Variants in DOCK3 observed in about 807,000 individuals in gnomAD.
DOCK3 encodes dedicator of cytokinesis protein 3.
DOCK3 carries 60 observed loss-of-function variants against 265.6 expected under a neutral mutation model. That is an observed-to-expected ratio of 0.23 (90% confidence interval 0.18 to 0.28). The LOEUF (loss-of-function observed/expected upper bound fraction) is 0.28. Among genes scored for constraint, DOCK3 ranks in the 10% least tolerant of loss-of-function variants. The probability of loss-of-function intolerance (pLI) is 1.00; values close to 1 mark genes in which losing one functional copy is unlikely to be tolerated. For missense variants in DOCK3, 1,981 were observed against 2,594.3 expected, an observed-to-expected ratio of 0.76 and a Z score of 5.14; for synonymous variants, 881 against 938.0, an observed-to-expected ratio of 0.94 and a Z score of 1.11.
chr3:50,983,415 C>G (rs1337216450), intron 5 of DOCK3, among the ~76,000 whole-genome samples: 2 of 152,132 alleles, frequency 1.3e-5, no homozygotes, highest in African/African-American at 4.8e-5. Flanking sequence ...CGCCTCTGGA[C>G]CAGTCATACA....
intron 9 of DOCK3, among the ~76,000 whole-genome samples, chr3:51,121,410 AGCT>A (rs2084012951): frequency 6.6e-6 from 1 of 152,146 alleles, no homozygotes; most frequent in South Asian, 2.1e-4. Flanking sequence ...TCTTGCTGAG[AGCT>A]GCAGACTGGA....
intron 2 of DOCK3, among the ~76,000 whole-genome samples, chr3:50,826,197 T>C (rs1262679865): frequency 6.6e-6 from 1 of 152,168 alleles, no homozygotes. Flanking sequence ...CCTTGTTTAC[T>C]TTTCCCTCAG....
intron 38 of DOCK3, among the ~76,000 whole-genome samples, chr3:51,345,510 T>G (rs1355331645): frequency 5.3e-5 from 8 of 152,150 alleles, no homozygotes. Context: ...TAGTCCTAGC[T>G]ACTCGGGAGG....
chr3:50,925,722 G>C (rs577367013), intron 4 of DOCK3, among the ~76,000 whole-genome samples: 1 of 152,082 alleles, frequency 6.6e-6, no homozygotes, highest in South Asian at 2.1e-4. Context: ...TGAAGTTTTT[G>C]GGAGCTGGCA....
chr3:50,875,665 T>C (rs1024043715), intron 3 of DOCK3, among the ~76,000 whole-genome samples: 7 of 152,204 alleles, frequency 4.6e-5, no homozygotes, highest in Admixed American at 1.3e-4. Flanking sequence ...TTGATCACGA[T>C]GAATGATGTT....
At chr3:50,919,427 C>T (rs1431039516) in intron 4 of DOCK3, among the ~76,000 whole-genome samples, 4 of 152,236 alleles carry the variant, frequency 2.6e-5, no homozygotes, top group East Asian at 1.9e-4. Flanking sequence ...TCTTTTATTT[C>T]GTTGAGCAGT....
intron 23 of DOCK3, among the ~76,000 whole-genome samples, chr3:51,267,377 T>C (rs1560317198): frequency 1.3e-5 from 2 of 150,570 alleles, no homozygotes; most frequent in South Asian, 2.1e-4. Flanking sequence ...CGTATGGTTT[T>C]TTTCTTTCTT....
chr3:51,195,708 G>A (rs1411687316), intron 12 of DOCK3, among the ~76,000 whole-genome samples: 2 of 152,056 alleles, frequency 1.3e-5, no homozygotes, highest in Non-Finnish European at 2.9e-5. Flanking sequence ...CTGAGCCACT[G>A]CGCCTGGCCA....
chr3:50,992,485 CAGGGTTT>C (rs2078142612), intron 5 of DOCK3, among the ~76,000 whole-genome samples: 41 of 152,114 alleles, frequency 2.7e-4, no homozygotes, highest in Admixed American at 2.7e-3. Context: ...GTAGTAGAGA[CAGGGTTT>C]CACCATGTTG....
At chr3:51,355,947 A>C in intron 41 of DOCK3, 142 bp from the exon 42 acceptor site, 62 of 963,692 alleles carry the variant, frequency 6.4e-5, no homozygotes, top group Non-Finnish European at 9.3e-5. Context: ...ATCTGCCCCT[A>C]GAGATGCCAC....
chr3:51,205,772 T>C (rs2089169433), intron 12 of DOCK3, among the ~76,000 whole-genome samples: 1 of 152,168 alleles, frequency 6.6e-6, no homozygotes, highest in Non-Finnish European at 1.5e-5. Context: ...GCAAGTGCTG[T>C]ATTAAGAGAA....
At chr3:51,191,699 T>G (rs939809462) in intron 12 of DOCK3, among the ~76,000 whole-genome samples, 2 of 152,146 alleles carry the variant, frequency 1.3e-5, no homozygotes, top group East Asian at 2.0e-4. Context: ...TGTTGCTTCT[T>G]GAAAAAAAGT....
chr3:50,846,845 G>T (rs1168558982), intron 3 of DOCK3, among the ~76,000 whole-genome samples: 3 of 152,106 alleles, frequency 2.0e-5, no homozygotes, highest in Non-Finnish European at 4.4e-5. Context: ...TCGTATTTGT[G>T]TGGGATTGGC....
At chr3:51,289,372 G>A (rs933581384) in intron 27 of DOCK3, among the ~76,000 whole-genome samples, 2 of 152,138 alleles carry the variant, frequency 1.3e-5, no homozygotes, top group Non-Finnish European at 2.9e-5. Flanking sequence ...AGTATAAGAT[G>A]TTTTATGTAA....
intron 1 of DOCK3, among the ~76,000 whole-genome samples, chr3:50,695,942 A>G (rs2035590722): frequency 6.6e-6 from 1 of 152,208 alleles, no homozygotes; most frequent in Non-Finnish European, 1.5e-5. Flanking sequence ...TGGACAGAAA[A>G]AGGAAAGTGA....
At chr3:51,139,768 C>A (rs1470060254) in intron 9 of DOCK3, among the ~76,000 whole-genome samples, 1 of 152,234 alleles carries the variant, frequency 6.6e-6, no homozygotes, top group Non-Finnish European at 1.5e-5. Flanking sequence ...AAGTTGGCTT[C>A]TCTAGGAAAC....
chr3:51,152,188 T>G (rs1186552614), intron 10 of DOCK3, among the ~76,000 whole-genome samples: 1 of 152,200 alleles, frequency 6.6e-6, no homozygotes, highest in Non-Finnish European at 1.5e-5. Flanking sequence ...GAGGCTTTGT[T>G]TATTTTTACT....
At chr3:50,848,314 G>C (rs1191986567) in intron 3 of DOCK3, among the ~76,000 whole-genome samples, 9 of 152,138 alleles carry the variant, frequency 5.9e-5, no homozygotes, top group Non-Finnish European at 1.3e-4. Flanking sequence ...CATTAATACT[G>C]ATATGCGATG....
chr3:51,169,994 T>A (rs1184323962), intron 12 of DOCK3, among the ~76,000 whole-genome samples: 1 of 152,114 alleles, frequency 6.6e-6, no homozygotes, highest in Non-Finnish European at 1.5e-5. Context: ...TTCTTTTTTT[T>A]ATGGGTTTAA....
Sources: allele counts gnomAD v4.1 joint callset (sites outside exome capture counted in the v4.1 genomes callset), GRCh38; gene constraint gnomAD v4.1.1; transcripts MANE v1.5; gene names NCBI Gene and HGNC (gene_info 2026-07-23, HGNC 2026-07-21).